The following MAST2 variants were observed in gnomAD, a reference collection of about 807,000 sequenced individuals.
MAST2 encodes the protein microtubule-associated serine/threonine-protein kinase 2.
A neutral mutation model predicts 147.4 loss-of-function variants in MAST2; 70 were observed. The ratio of observed to expected loss-of-function variants is 0.47; its 90% CI spans 0.39 to 0.58. MAST2 has a LOEUF of 0.58. MAST2 is among the 20% of genes least tolerant of loss of function. The probability of loss-of-function intolerance (pLI) is 0.00; values close to 1 mark genes in which losing one functional copy is unlikely to be tolerated. For missense variants in MAST2, 2,080 were observed against 2,302.3 expected (o/e 0.90, Z 1.98); for synonymous variants, 869 against 896.8 (o/e 0.97, Z 0.55).
At chr1:45,940,686 CTCGG>C (rs1657122349) in intron 4 of MAST2, among the ~76,000 whole-genome samples, 1 of 150,074 alleles carries the variant, frequency 6.7e-6, no homozygotes, top group Non-Finnish European at 1.5e-5. Context: ...GTGGCGCGAT[CTCGG>C]CTCACTGCAA....
At chr1:46,000,832 C>A in intron 6 of MAST2, 1 of 559,006 alleles carries the variant, frequency 1.8e-6, no homozygotes, top group South Asian at 1.6e-5. Flanking sequence ...CCTACAATTT[C>A]ACTTCAAACT....
intron 7 of MAST2, among the ~76,000 whole-genome samples, chr1:46,005,125 G>C (rs1327401906): frequency 1.3e-5 from 2 of 152,226 alleles, no homozygotes; most frequent in Non-Finnish European, 2.9e-5. Context: ...CACTTTGGGA[G>C]GCCAAGGCGG....
chr1:45,956,060 C>T (rs754199353), intron 4 of MAST2, among the ~76,000 whole-genome samples: 2 of 152,110 alleles, frequency 1.3e-5, no homozygotes, highest in African/African-American at 4.8e-5. Flanking sequence ...CAGTCTGTCA[C>T]TATAGATTAG....
At chr1:45,886,244 T>C (rs1015717624) in intron 4 of MAST2, among the ~76,000 whole-genome samples, 7 of 148,156 alleles carry the variant, frequency 4.7e-5, no homozygotes, top group Non-Finnish European at 7.4e-5. Flanking sequence ...ATTATATATA[T>C]TTATATACTT....
intron 5 of MAST2, among the ~76,000 whole-genome samples, chr1:45,980,972 G>A (rs1232691575): frequency 6.6e-6 from 1 of 152,138 alleles, no homozygotes; most frequent in Non-Finnish European, 1.5e-5. Context: ...AATAGAGAAA[G>A]GGTTTAATAT....
chr1:45,928,163 A>G (rs1045459658), intron 4 of MAST2, among the ~76,000 whole-genome samples: 3 of 152,146 alleles, frequency 2.0e-5, no homozygotes, highest in Non-Finnish European at 2.9e-5. Flanking sequence ...ATGGTATACT[A>G]TCTCATCTAC....
intron 5 of MAST2, among the ~76,000 whole-genome samples, chr1:45,982,415 A>G (rs908899036): frequency 2.6e-5 from 4 of 152,172 alleles, no homozygotes; most frequent in Non-Finnish European, 5.9e-5. Flanking sequence ...ACATTATTAG[A>G]AGGTTGAGAT....
intron 3 of MAST2, among the ~76,000 whole-genome samples, chr1:45,844,184 CA>C (rs904166059): frequency 6.6e-6 from 1 of 152,078 alleles, no homozygotes; most frequent in African/African-American, 2.4e-5. Flanking sequence ...ACCGCAGTGT[CA>C]ACCTGCTAGG....
chr1:45,882,513 C>A, intron 4 of MAST2, 118 bp downstream of exon 4: 1 of 755,714 alleles, frequency 1.3e-6, no homozygotes, highest in Non-Finnish European at 2.2e-6. Flanking sequence ...TTTCTGTGTA[C>A]TCCTATCTGA....
At chr1:45,826,532 T>C (rs1644797933) in intron 2 of MAST2, among the ~76,000 whole-genome samples, 1 of 152,050 alleles carries the variant, frequency 6.6e-6, no homozygotes, top group South Asian at 2.1e-4. Context: ...TTTGTATTTT[T>C]AGTAGAGAGG....
chr1:45,890,492 G>A (rs1283198884), intron 4 of MAST2, among the ~76,000 whole-genome samples: 1 of 152,120 alleles, frequency 6.6e-6, no homozygotes, highest in African/African-American at 2.4e-5. Context: ...GCATAGATCT[G>A]TCTCTTCTTC....
At chr1:45,889,670 A>G (rs1165797285) in intron 4 of MAST2, among the ~76,000 whole-genome samples, 1 of 151,712 alleles carries the variant, frequency 6.6e-6, no homozygotes, top group Non-Finnish European at 1.5e-5. Flanking sequence ...CAGTGACGCA[A>G]TCTTGGCTCA....
chr1:45,939,052 A>AATTTTTT (rs1408589593), intron 4 of MAST2, among the ~76,000 whole-genome samples: 1 of 150,800 alleles, frequency 6.6e-6, no homozygotes, highest in Admixed American at 6.6e-5. Flanking sequence ...AAAAATTGAT[A>AATTTTTT]ATTTTTTATT....
intron 8 of MAST2, among the ~76,000 whole-genome samples, chr1:46,006,943 G>A (rs1206853826): frequency 2.6e-5 from 4 of 152,336 alleles, no homozygotes; most frequent in Non-Finnish European, 5.9e-5. Context: ...CTGAAGACAG[G>A]TTGCTGGCGT....
At chr1:45,807,940 C>T (rs1044864575) in intron 1 of MAST2, among the ~76,000 whole-genome samples, 11 of 152,106 alleles carry the variant, frequency 7.2e-5, no homozygotes, top group Admixed American at 5.9e-4. Context: ...TTGTATGTGT[C>T]GAGACTGGTT....
At chr1:45,847,291 G>T in intron 3 of MAST2, 1 of 507,000 alleles carries the variant, frequency 2.0e-6, no homozygotes, top group South Asian at 1.6e-5. Context: ...GAACAGTGCT[G>T]CCTGTCCTGC....
In MAST2 at chr1:46,010,739, C is replaced by T; in HGVS notation, c.988C>T (p.Gln330Ter). Residue 330 changes from glutamine (Q) to a stop codon, truncating the protein, a stop_gained, in exon 10 of 29, where the codon CAA (glutamine) becomes TAA (stop). Transcript: ENST00000361297. LOFTEE classifies it high-confidence loss of function. Reference protein sequence around the residue: ...YKERFPKATAQMEERLAEFIS... With the variant: ...YKERFPKATA The stretch of plus-strand genomic sequence containing the variant: ...TTGCTTTTCTTCCCAGGCCACCGCA[C>T]AAATGGAAGAGCGACTAGCAGAGTT... 6.2e-7 allele frequency: 1 copy of T among 1,613,238 alleles called. No individual in the cohort carries two copies. The highest frequency in any genetic ancestry group is 8.5e-7 in the Non-Finnish European group (1 of 1,179,866).
chr1:45,814,345 A>G (rs979599635), intron 1 of MAST2, among the ~76,000 whole-genome samples: 4 of 152,172 alleles, frequency 2.6e-5, no homozygotes, highest in South Asian at 2.1e-4. Flanking sequence ...GCCCCTGAAT[A>G]CCTTCCCATG....
intron 1 of MAST2, among the ~76,000 whole-genome samples, chr1:45,812,356 C>G (rs1222250237): frequency 1.3e-5 from 2 of 151,152 alleles, no homozygotes; most frequent in African/African-American, 2.4e-5. Flanking sequence ...GAGGGTAGGA[C>G]ACATGTGATT....
Sources: gnomAD v4.1 joint callset for allele counts (sites outside exome capture counted in the v4.1 genomes callset) on GRCh38, gnomAD v4.1.1 for gene constraint, MANE v1.5 for transcripts, NCBI Gene and HGNC (gene_info 2026-07-23, HGNC 2026-07-21) for gene names.